Variants in ANK2 observed in about 807,000 individuals in gnomAD.
ANK2 encodes ankyrin-2.
ANK2 carries 83 observed loss-of-function variants against 360.5 expected under a neutral mutation model. That is an observed-to-expected ratio of 0.23 (90% CI 0.19 to 0.28). The LOEUF (loss-of-function observed/expected upper bound fraction) is 0.28, where lower values mean the gene tolerates loss of function less well. ANK2 is among the 10% of genes least tolerant of loss of function. ANK2 has a pLI of 1.00. For synonymous variants in ANK2, 1,740 were observed against 1,759.5 expected (o/e 0.99, Z 0.28); for missense variants, 4,201 against 4,795.7 (o/e 0.88, Z 3.66).
intron 2 of ANK2, among the ~76,000 whole-genome samples, chr4:113,011,151 T>C (rs1216989668): frequency 6.6e-6 from 1 of 152,178 alleles, no homozygotes; most frequent in Non-Finnish European, 1.5e-5. Flanking sequence ...TATTTCATAA[T>C]ACAAAACAGC....
chr4:113,102,650 C>A (rs1253743267), intron 1 of ANK2, among the ~76,000 whole-genome samples: 1 of 152,008 alleles, frequency 6.6e-6, no homozygotes, highest in East Asian at 1.9e-4. Flanking sequence ...AAAGAAAATT[C>A]CAAAAGAAGG....
intron 1 of ANK2, among the ~76,000 whole-genome samples, chr4:112,887,490 T>C (rs1033764624): frequency 3.4e-4 from 52 of 152,234 alleles, no homozygotes; most frequent in African/African-American, 1.2e-3. Flanking sequence ...CATAGTTTCA[T>C]TGTAACTTGA....
chr4:112,738,412 CAAAAAAAAAAAA>C, the ANK2 span, among the ~76,000 whole-genome samples: 1 of 51,010 alleles, frequency 2.0e-5, no homozygotes, highest in African/African-American at 6.8e-5. Context: ...GAGTCTGTCT[CAAAAAAAAAAAA>C]AAAAAAAAAG....
At chr4:112,985,888 C>T (rs2044680292) in intron 2 of ANK2, among the ~76,000 whole-genome samples, 1 of 151,832 alleles carries the variant, frequency 6.6e-6, no homozygotes, top group Non-Finnish European at 1.5e-5. Flanking sequence ...GCAGTGTACA[C>T]TGCTCAGGTG....
intron 2 of ANK2, among the ~76,000 whole-genome samples, chr4:112,927,091 C>T (rs2092651593): frequency 6.6e-6 from 1 of 152,136 alleles, no homozygotes. Context: ...TAGCATAGGC[C>T]TGGGGAGGGA....
At chr4:113,072,953 CTTTTTTTTTTTTTT>C (rs77468290) in intron 1 of ANK2, among the ~76,000 whole-genome samples, 12 of 59,408 alleles carry the variant, frequency 2.0e-4, no homozygotes, top group Admixed American at 1.5e-3. Flanking sequence ...AGGACAGTGT[CTTTTTTTTTTTTTT>C]TTTTTTTTTT....
At chr4:113,217,719 C>T (rs945571817) in intron 4 of ANK2, among the ~76,000 whole-genome samples, 1 of 152,132 alleles carries the variant, frequency 6.6e-6, no homozygotes, top group Admixed American at 6.5e-5. Context: ...GCCTCTCCCC[C>T]GCCCCGACTC....
At chr4:112,877,390 TC>T (rs2075422933) in intron 1 of ANK2, among the ~76,000 whole-genome samples, 1 of 152,166 alleles carries the variant, frequency 6.6e-6, no homozygotes, top group Admixed American at 6.5e-5. Context: ...TTACCTGTCA[TC>T]CAGCCTAGAG....
At chr4:112,829,864 C>T (rs779223426) in intron 1 of ANK2, among the ~76,000 whole-genome samples, 23 of 151,778 alleles carry the variant, frequency 1.5e-4, no homozygotes, top group African/African-American at 4.8e-5. Context: ...GAGGCTGAGG[C>T]GGGAGAATGG....
chr4:112,871,032 CAAAT>C (rs2072798394), intron 1 of ANK2, among the ~76,000 whole-genome samples: 1 of 151,920 alleles, frequency 6.6e-6, no homozygotes, highest in Non-Finnish European at 1.5e-5. Context: ...ATAAAATAAT[CAAAT>C]AAAAATATTT....
chr4:113,020,915 A>G (rs1192974057), intron 2 of ANK2, among the ~76,000 whole-genome samples: 13 of 152,140 alleles, frequency 8.5e-5, no homozygotes, highest in Admixed American at 3.3e-4. Context: ...TTAGAGGATA[A>G]GGATATAAAA....
chr4:113,171,091 TCTC>T (rs1376718754), intron 1 of ANK2, among the ~76,000 whole-genome samples: 4 of 152,302 alleles, frequency 2.6e-5, no homozygotes, highest in African/African-American at 7.2e-5. Flanking sequence ...ATGTGTGAAA[TCTC>T]CTGGTTGAGC....
chr4:113,374,905 T>C, intron 45 of ANK2: 1 of 1,242,512 alleles, frequency 8.0e-7, no homozygotes, highest in South Asian at 1.4e-5. Context: ...GGATTCTAGT[T>C]TAGCCACTGA....
At chr4:113,285,600 T>A (rs776531496) in intron 18 of ANK2, among the ~76,000 whole-genome samples, 2 of 152,076 alleles carry the variant, frequency 1.3e-5, no homozygotes, top group Non-Finnish European at 2.9e-5. Flanking sequence ...ACAGCTTCCA[T>A]GCCCTTCCTG....
At chr4:112,969,592 A>T (rs1022130103) in intron 2 of ANK2, among the ~76,000 whole-genome samples, 2 of 152,182 alleles carry the variant, frequency 1.3e-5, no homozygotes, top group African/African-American at 4.8e-5. Context: ...CTTGAGACCA[A>T]TGCTCCGAAG....
chr4:112,985,932 A>C (rs1036108479), intron 2 of ANK2, among the ~76,000 whole-genome samples: 1 of 151,606 alleles, frequency 6.6e-6, no homozygotes, highest in Admixed American at 6.6e-5. Flanking sequence ...ATCACCACTA[A>C]AGAAATTATT....
intron 1 of ANK2, among the ~76,000 whole-genome samples, chr4:113,098,999 G>A (rs1315824462): frequency 1.3e-5 from 2 of 151,730 alleles, no homozygotes; most frequent in South Asian, 2.1e-4. Flanking sequence ...GGAACTGAGG[G>A]GAACTTCCTT....
intron 2 of ANK2, among the ~76,000 whole-genome samples, chr4:112,993,679 G>A (rs187726697): frequency 5.2e-4 from 78 of 149,412 alleles, no homozygotes; most frequent in Non-Finnish European, 5.8e-4. Context: ...GAAGGCTTCA[G>A]GTGCATAAAG....
chr4:112,724,733 G>T, the ANK2 span, among the ~76,000 whole-genome samples: 7 of 152,098 alleles, frequency 4.6e-5, no homozygotes. Flanking sequence ...AGCCACTGTG[G>T]AAAACATTAT....
Sources: gnomAD v4.1 joint callset for allele counts (sites outside exome capture counted in the v4.1 genomes callset) on GRCh38, gnomAD v4.1.1 for gene constraint, MANE v1.5 for transcripts, NCBI Gene and HGNC (gene_info 2026-07-23, HGNC 2026-07-21) for gene names.